Variants in ZFHX3 observed in about 807,000 individuals in gnomAD.
ZFHX3 encodes zinc finger homeobox protein 3.
Under a neutral mutation model 279.1 loss-of-function variants are expected in ZFHX3, and 42 were observed. The ratio of observed to expected loss-of-function variants is 0.15; its 90% CI spans 0.12 to 0.19. The LOEUF (loss-of-function observed/expected upper bound fraction) is 0.19. Ranked by LOEUF, ZFHX3 falls within the 10% of genes least tolerant of loss-of-function variation. The pLI, the probability that ZFHX3 is intolerant of heterozygous loss-of-function variation, is 1.00. For missense variants in ZFHX3, 4,981 were observed against 4,754.0 expected (o/e 1.05, Z -1.40); for synonymous variants, 2,293 against 1,957.8 (o/e 1.17, Z -4.52).
chr16:73,646,720 TGAAA>T (rs1211908327), intron 2 of ZFHX3, among the ~76,000 whole-genome samples: 1 of 152,142 alleles, frequency 6.6e-6, no homozygotes, highest in Non-Finnish European at 1.5e-5. Flanking sequence ...CTCCGTGAAA[TGAAA>T]GATTGTCTAA....
chr16:72,793,592 G>T lies in ZFHX3; in HGVS notation c.9090C>A (p.Gly3030=). ...EGPKTECTLC[G]IKYSARLSVR... ...CAGACAGCCGAGCGCTGTACTTGAT[G>T]CCACACAAAGTGCACTCTGTTTTGG... The change falls in exon 9 of 10, where the codon GGC becomes GGA. Residue 3030 remains glycine, a synonymous_variant. Coordinates refer to ENST00000268489, the MANE Select transcript of ZFHX3 (RefSeq NM_006885.4). The surrounding 1 kb of genome is among the most constrained non-coding windows in gnomAD (Gnocchi z 4.3). The T allele has an allele frequency of 6.2e-7, 1 of 1,614,192 alleles. No homozygotes were observed. Among genetic ancestry groups the T allele is most frequent in the Non-Finnish European group, 8.5e-7 (1 of 1,180,036 alleles).
chr16:73,857,984 T>C (rs1961781513), intron 1 of ZFHX3, among the ~76,000 whole-genome samples: 1 of 151,836 alleles, frequency 6.6e-6, no homozygotes, highest in African/African-American at 2.4e-5. Context: ...TAGTACCGGC[T>C]ACTCGGGAGG....
At chr16:73,639,097 C>A (rs2052552130) in intron 2 of ZFHX3, among the ~76,000 whole-genome samples, 1 of 152,168 alleles carries the variant, frequency 6.6e-6, no homozygotes, top group African/African-American at 2.4e-5. Flanking sequence ...CGGTCCTTTG[C>A]AGTAAGAAAA....
chr16:72,959,242 C>A lies in ZFHX3; in HGVS notation c.904G>T (p.Val302Leu). Residue 302 changes from valine (V) to leucine (L), a missense_variant, in exon 2 of 10, where the codon GTG becomes TTG. Val to Leu is a conservative substitution (Grantham distance 32). Coordinates refer to ENST00000268489, the MANE Select transcript of ZFHX3 (RefSeq NM_006885.4). ...GYVRSFVTHAVHDHRMTLSED... is the reference protein window; with the variant it reads ...GYVRSFVTHALHDHRMTLSED... ...CTCAGGGTCATTCGATGGTCATGCA[C>A]CGCGTGGGTCACAAACGAACGGACG... 1.9e-6 allele frequency: 3 copies of A among 1,614,194 alleles called. No homozygotes were observed. Among genetic ancestry groups the A allele is most frequent in the Non-Finnish European group, 2.5e-6 (3 of 1,180,034 alleles).
intron 2 of ZFHX3, among the ~76,000 whole-genome samples, chr16:73,593,786 G>T (rs1014100701): frequency 6.6e-6 from 1 of 152,034 alleles, no homozygotes; most frequent in Admixed American, 6.6e-5. Flanking sequence ...ACATTAAAAA[G>T]AAAAATGATA....
At chr16:73,073,050 C>T (rs1965844250) in intron 8 of ZFHX3, among the ~76,000 whole-genome samples, 1 of 152,006 alleles carries the variant, frequency 6.6e-6, no homozygotes, top group African/African-American at 2.4e-5. Context: ...GCATGCACCA[C>T]AATGCCCGGC....
intron 1 of ZFHX3, among the ~76,000 whole-genome samples, chr16:73,684,130 C>A (rs1239574738): frequency 1.3e-5 from 2 of 152,116 alleles, no homozygotes; most frequent in Non-Finnish European, 2.9e-5. Flanking sequence ...CCTGTCTCTA[C>A]ACATAACTTA....
At chr16:73,497,411 G>A (rs1172283148) in intron 2 of ZFHX3, among the ~76,000 whole-genome samples, 1 of 152,240 alleles carries the variant, frequency 6.6e-6, no homozygotes, top group Non-Finnish European at 1.5e-5. Context: ...GCTCACGCCT[G>A]TAATCCCAGC....
intron 2 of ZFHX3, chr16:73,608,768 C>T (rs1240529009): frequency 6.6e-6 from 1 of 152,142 alleles, no homozygotes; most frequent in African/African-American, 2.4e-5. Flanking sequence ...ATAAGCAGAG[C>T]TCTTGCTTAA....
rs1011787531 is a variant in ZFHX3 at position 73,297,248 on chromosome 16, G to T, written c.-1194+20992C>A. Among the ~76,000 whole-genome samples, 32 of 151,932 alleles carry T rather than the reference G, an allele frequency of 2.1e-4. 1 individual carries two copies. The highest frequency in any genetic ancestry group is 2.2e-4 in the African/African-American group (9 of 41,202). ...TAAGAAAGGCTAAGTAATTGACCAA[G>T]GTTGCCAAGCTCGCAAGTGGTGGAG... On this transcript the variant is annotated intron_variant, in intron 4 of 17. Transcript: ENST00000641206.
intron 3 of ZFHX3, among the ~76,000 whole-genome samples, chr16:72,918,929 C>T (rs773134925): frequency 6.6e-6 from 1 of 152,078 alleles, no homozygotes; most frequent in Non-Finnish European, 1.5e-5. Context: ...ATCTCCTGAC[C>T]TCATGATCTT....
intron 5 of ZFHX3, among the ~76,000 whole-genome samples, chr16:73,211,749 C>G (rs2012026007): frequency 6.6e-6 from 1 of 151,198 alleles, no homozygotes; most frequent in African/African-American, 2.4e-5. Context: ...TAGATTTATT[C>G]CTGCAAAGCA....
At chr16:73,563,147 C>CT (rs1182420689) in intron 2 of ZFHX3, among the ~76,000 whole-genome samples, 2 of 142,914 alleles carry the variant, frequency 1.4e-5, no homozygotes, top group Non-Finnish European at 3.0e-5. Context: ...AAAGTGCAGT[C>CT]TTTTTTTGTT....
intron 4 of ZFHX3, among the ~76,000 whole-genome samples, chr16:72,879,062 A>G (rs1204836409): frequency 6.6e-6 from 1 of 152,184 alleles, no homozygotes; most frequent in East Asian, 1.9e-4. Context: ...AAGACCAGCC[A>G]TGGGAAGCAG....
chr16:73,647,827 T>G (rs896119081), intron 2 of ZFHX3, among the ~76,000 whole-genome samples: 1 of 152,116 alleles, frequency 6.6e-6, no homozygotes, highest in Non-Finnish European at 1.5e-5. Flanking sequence ...CATACCTAAA[T>G]GTCAATTATA....
At chr16:72,994,141 T>A (rs906460100) in intron 1 of ZFHX3, among the ~76,000 whole-genome samples, 5 of 152,240 alleles carry the variant, frequency 3.3e-5, no homozygotes, top group Non-Finnish European at 5.9e-5. Context: ...CACTGTGGTT[T>A]TGTTCTCTCT....
At chr16:73,777,412 A>G (rs1959292615) in intron 1 of ZFHX3, among the ~76,000 whole-genome samples, 1 of 150,176 alleles carries the variant, frequency 6.7e-6, no homozygotes, top group Admixed American at 6.7e-5. Context: ...CTGAGGCAGG[A>G]GAAGCACTTG....
chr16:72,986,277 C>T (rs1180256056), intron 1 of ZFHX3, among the ~76,000 whole-genome samples: 3 of 152,172 alleles, frequency 2.0e-5, no homozygotes, highest in Non-Finnish European at 4.4e-5. Context: ...CAGATTTCCT[C>T]CTTAGGACCC....
intron 1 of ZFHX3, among the ~76,000 whole-genome samples, chr16:73,758,235 T>C (rs1316658005): frequency 4.0e-5 from 1 of 24,748 alleles, no homozygotes; most frequent in African/African-American, 9.5e-5. Flanking sequence ...TTACTAGAAA[T>C]TCATTCATTC....
Sources: gnomAD v4.1 joint callset for allele counts (sites outside exome capture counted in the v4.1 genomes callset) on GRCh38, gnomAD v4.1.1 for gene constraint, Gnocchi (gnomAD v3.1) non-coding constraint, MANE v1.5 for transcripts, NCBI Gene and HGNC (gene_info 2026-07-23, HGNC 2026-07-21) for gene names.